The following PDE4D variants were observed in gnomAD, a reference collection of about 807,000 sequenced individuals.
PDE4D encodes 3',5'-cyclic-AMP phosphodiesterase 4D.
In PDE4D, 24 loss-of-function variants were observed where a neutral mutation model predicts 87.4. That is an observed-to-expected ratio of 0.27 (90% CI 0.20 to 0.39). The LOEUF (loss-of-function observed/expected upper bound fraction) is 0.39, where lower values mean the gene tolerates loss of function less well. Ranked by LOEUF, PDE4D falls within the 10% of genes least tolerant of loss-of-function variation. The probability of loss-of-function intolerance (pLI) is 1.00; values close to 1 mark genes in which losing one functional copy is unlikely to be tolerated. For missense variants in PDE4D, 714 were observed against 1,041.0 expected (o/e 0.69, Z 4.32); for synonymous variants, 384 against 383.2 (o/e 1.00, Z -0.02).
chr5:59,316,863 T>C (rs1032492926), intron 1 of PDE4D, among the ~76,000 whole-genome samples: 8 of 152,162 alleles, frequency 5.3e-5, no homozygotes, highest in Admixed American at 6.5e-5. Context: ...ATTGCTGCCT[T>C]ACACATGGGC....
intron 1 of PDE4D, among the ~76,000 whole-genome samples, chr5:60,420,279 C>T (rs1414013407): frequency 6.6e-6 from 1 of 152,090 alleles, no homozygotes; most frequent in African/African-American, 2.4e-5. Flanking sequence ...TAAAGTAAGT[C>T]CTATGACTCC....
chr5:59,996,280 T>A (rs1168583423), intron 2 of PDE4D, among the ~76,000 whole-genome samples: 4 of 152,204 alleles, frequency 2.6e-5, no homozygotes, highest in Non-Finnish European at 5.9e-5. Context: ...GCAGAGGATG[T>A]GTTTTGTTTT....
intron 5 of PDE4D, among the ~76,000 whole-genome samples, chr5:59,106,846 G>C (rs1771664012): frequency 6.6e-6 from 1 of 152,126 alleles, no homozygotes; most frequent in African/African-American, 2.4e-5. Flanking sequence ...CAAAAATCCA[G>C]GTTTGAAAAT....
At chr5:59,756,979 G>A (rs1302234687) in intron 1 of PDE4D, among the ~76,000 whole-genome samples, 4 of 151,978 alleles carry the variant, frequency 2.6e-5, no homozygotes, top group Non-Finnish European at 5.9e-5. Context: ...TATATTTTTA[G>A]TAGAGACGAG....
At chr5:59,418,673 G>C (rs1212558299) in intron 1 of PDE4D, among the ~76,000 whole-genome samples, 1 of 142,084 alleles carries the variant, frequency 7.0e-6, no homozygotes, top group African/African-American at 3.1e-5. Flanking sequence ...TTTTGAGACA[G>C]AGTCTTACTC....
intron 1 of PDE4D, among the ~76,000 whole-genome samples, chr5:59,694,373 C>T (rs1406947226): frequency 1.3e-5 from 2 of 152,116 alleles, no homozygotes; most frequent in Non-Finnish European, 2.9e-5. Context: ...TACTCTATGT[C>T]TATGTCTGGC....
chr5:60,060,861 A>G (rs1508862), intron 2 of PDE4D, among the ~76,000 whole-genome samples: 75,251 of 151,730 alleles, frequency 0.5, 19,090 homozygotes, highest in East Asian at 0.83. Flanking sequence ...TGCAGAAAAG[A>G]CCTTCGAAAA....
At position 59,571,470 on chromosome 5, in the gene PDE4D, T is replaced by C. The variant is rs149601379; in HGVS notation, c.455+321698A>G. 2.5e-3 allele frequency among the ~76,000 whole-genome samples: 374 copies of C among 152,278 alleles called. 1 individual carries two copies. Among genetic ancestry groups the C allele is most frequent in the African/African-American group, 8.7e-3 (361 of 41,550 alleles). On this transcript the variant is annotated intron_variant, in intron 1 of 14. Coordinates refer to ENST00000340635, the MANE Select transcript of PDE4D (RefSeq NM_001104631.2). ...TGCTTATAATGAACTTGAATGAAGATAGATTTTGGGGAGAGGTGGGGGAAA... is the reference window on the plus strand; with the variant it reads ...TGCTTATAATGAACTTGAATGAAGACAGATTTTGGGGAGAGGTGGGGGAAA...
At chr5:59,425,191 A>G (rs1795016114) in intron 1 of PDE4D, among the ~76,000 whole-genome samples, 1 of 152,206 alleles carries the variant, frequency 6.6e-6, no homozygotes, top group African/African-American at 2.4e-5. Context: ...ACCAGGCAAG[A>G]AAGTGTTATC....
chr5:59,698,380 T>C (rs1476538553), intron 1 of PDE4D, among the ~76,000 whole-genome samples: 3 of 152,018 alleles, frequency 2.0e-5, no homozygotes, highest in African/African-American at 7.2e-5. Context: ...CTACATTGCA[T>C]GGATATTTGA....
At chr5:59,390,529 A>G (rs1160546458) in intron 1 of PDE4D, among the ~76,000 whole-genome samples, 2 of 152,188 alleles carry the variant, frequency 1.3e-5, no homozygotes, top group East Asian at 3.9e-4. Context: ...AAGAAACAAA[A>G]GGTGTTAAAG....
chr5:60,256,752 G>A (rs1749096105), intron 1 of PDE4D, among the ~76,000 whole-genome samples: 1 of 151,890 alleles, frequency 6.6e-6, no homozygotes, highest in African/African-American at 2.4e-5. Context: ...AATTGAGGAG[G>A]CAAATGTCGA....
chr5:59,442,049 A>T lies in PDE4D; in HGVS notation c.456-226081T>A, dbSNP rs74805246. On this transcript the variant is annotated intron_variant, in intron 1 of 14. Transcript: ENST00000340635. ...CCAAAATAAAAAATACACTATTTAT[A>T]CAGCATATTCCTGAGTTACCAGACA... Among the ~76,000 whole-genome samples the T allele has an allele frequency of 6.5e-4, 99 of 152,388 alleles. 1 individual carries two copies. In the East Asian group the frequency reaches 0.016, roughly 25 times the overall value.
chr5:59,675,454 CATG>C (rs1747912991), intron 1 of PDE4D, among the ~76,000 whole-genome samples: 1 of 152,134 alleles, frequency 6.6e-6, no homozygotes, highest in Admixed American at 6.6e-5. Context: ...GACAAACAGT[CATG>C]ATATTTTTGG....
At chr5:59,983,710 T>C (rs974651248) in intron 3 of PDE4D, among the ~76,000 whole-genome samples, 3 of 152,140 alleles carry the variant, frequency 2.0e-5, no homozygotes, top group Admixed American at 1.3e-4. Context: ...AAATACTAAG[T>C]GTTGGTGAGA....
At chr5:59,698,635 G>A (rs920473167) in intron 1 of PDE4D, among the ~76,000 whole-genome samples, 3 of 152,056 alleles carry the variant, frequency 2.0e-5, no homozygotes, top group Non-Finnish European at 4.4e-5. Context: ...TTTATTTGAG[G>A]TTGAAAGATA....
chr5:60,456,196 G>A (rs1746454819), intron 1 of PDE4D, among the ~76,000 whole-genome samples: 1 of 152,202 alleles, frequency 6.6e-6, no homozygotes. Context: ...GGTAGGAATT[G>A]TGGGGTACCA....
intron 1 of PDE4D, among the ~76,000 whole-genome samples, chr5:59,301,579 G>A (rs1770260558): frequency 6.6e-6 from 1 of 152,116 alleles, no homozygotes; most frequent in Non-Finnish European, 1.5e-5. Context: ...TGTGAAATGG[G>A]AAGGCAGGGG....
intron 2 of PDE4D, among the ~76,000 whole-genome samples, chr5:59,994,704 GACACTTGCCAATCAGAA>G (rs1018354268): frequency 2.0e-5 from 3 of 152,140 alleles, no homozygotes; most frequent in African/African-American, 7.2e-5. Flanking sequence ...TTACATGAGA[GACACTTGCCAATCAGAA>G]ACACTTAATT....
Sources: gnomAD v4.1 joint callset for allele counts (sites outside exome capture counted in the v4.1 genomes callset) on GRCh38, gnomAD v4.1.1 for gene constraint, MANE v1.5 for transcripts, NCBI Gene and HGNC (gene_info 2026-07-23, HGNC 2026-07-21) for gene names.